Variants in DAB1 observed in about 807,000 individuals in gnomAD.
DAB1 encodes the protein DAB adaptor protein 1.
Under a neutral mutation model 64.6 loss-of-function variants are expected in DAB1, and 15 were observed. The observed-to-expected ratio is 0.23, with a 90% CI of 0.16 to 0.36. The LOEUF (loss-of-function observed/expected upper bound fraction) is 0.36, where lower values mean the gene tolerates loss of function less well. Among genes scored for constraint, DAB1 ranks in the 10% least tolerant of loss-of-function variants. The probability of loss-of-function intolerance (pLI) is 1.00; values close to 1 mark genes in which losing one functional copy is unlikely to be tolerated. For missense variants in DAB1, 596 were observed against 706.7 expected, an observed-to-expected ratio of 0.84 and a Z score of 1.78; for synonymous variants, 235 against 251.9, an observed-to-expected ratio of 0.93 and a Z score of 0.64.
chr1:57,411,954 C>G (rs1244268698), intron 1 of DAB1, among the ~76,000 whole-genome samples: 2 of 152,130 alleles, frequency 1.3e-5, no homozygotes, highest in Admixed American at 6.6e-5. Context: ...TTGTAGCAAC[C>G]CTGCATCAAA....
At chr1:57,378,233 T>A (rs1306534941) in intron 1 of DAB1, among the ~76,000 whole-genome samples, 1 of 152,200 alleles carries the variant, frequency 6.6e-6, no homozygotes. Context: ...TTTTGACTCC[T>A]TTGCCAAAGG....
At chr1:58,386,170 C>T (rs1569714952) in intron 3 of DAB1, among the ~76,000 whole-genome samples, 1 of 152,258 alleles carries the variant, frequency 6.6e-6, no homozygotes, top group East Asian at 1.9e-4. Flanking sequence ...ATCCTTTCCT[C>T]CTATGAAATG....
At chr1:57,025,861 G>T (rs1646768045) in intron 10 of DAB1, 120 bp downstream of exon 10, 1 of 747,890 alleles carries the variant, frequency 1.3e-6, no homozygotes, top group East Asian at 2.9e-5. Flanking sequence ...CAGCTTGAAA[G>T]AGTCAACACT....
intron 1 of DAB1, among the ~76,000 whole-genome samples, chr1:58,543,767 G>A (rs1041383850): frequency 3.9e-5 from 6 of 152,136 alleles, no homozygotes; most frequent in African/African-American, 1.4e-4. Context: ...AATAATAAAT[G>A]CTACCTAAAA....
chr1:57,135,157 T>C (rs1416498789), intron 4 of DAB1, among the ~76,000 whole-genome samples: 2 of 152,196 alleles, frequency 1.3e-5, no homozygotes, highest in Non-Finnish European at 2.9e-5. Context: ...TCAGTGGCAT[T>C]ACATACATTC....
At chr1:58,010,933 T>C (rs1570221589) in intron 5 of DAB1, among the ~76,000 whole-genome samples, 1 of 152,252 alleles carries the variant, frequency 6.6e-6, no homozygotes, top group East Asian at 1.9e-4. Flanking sequence ...GCTATCCTAG[T>C]GTCAAGCATT....
chr1:57,973,920 T>C (rs1467185712), intron 5 of DAB1, among the ~76,000 whole-genome samples: 2 of 152,150 alleles, frequency 1.3e-5, no homozygotes, highest in East Asian at 1.9e-4. Context: ...TCTCTTACCA[T>C]AGACCCTCCC....
chr1:57,959,396 T>C (rs1645464843), intron 5 of DAB1, among the ~76,000 whole-genome samples: 1 of 152,208 alleles, frequency 6.6e-6, no homozygotes, highest in Non-Finnish European at 1.5e-5. Flanking sequence ...GGGCTTCACA[T>C]AAAAAAGTAT....
intron 4 of DAB1, among the ~76,000 whole-genome samples, chr1:57,104,783 A>G (rs1247250081): frequency 6.6e-6 from 1 of 152,052 alleles, no homozygotes; most frequent in African/African-American, 2.4e-5. Context: ...GAACTGTAGA[A>G]GAAGTTGGGT....
chr1:57,752,339 C>A (rs931426426), intron 6 of DAB1, among the ~76,000 whole-genome samples: 1 of 152,010 alleles, frequency 6.6e-6, no homozygotes, highest in Non-Finnish European at 1.5e-5. Context: ...AGATATAAGC[C>A]GGGTTTTGAT....
intron 6 of DAB1, among the ~76,000 whole-genome samples, chr1:57,672,807 C>T (rs994024132): frequency 6.6e-6 from 1 of 152,140 alleles, no homozygotes; most frequent in Non-Finnish European, 1.5e-5. Context: ...ATTCATCTCT[C>T]TCTCTCACTA....
chr1:57,742,769 T>C, intron 6 of DAB1, among the ~76,000 whole-genome samples: 1 of 152,088 alleles, frequency 6.6e-6, no homozygotes, highest in Non-Finnish European at 1.5e-5. Flanking sequence ...TGAGGAATGA[T>C]GCAAAGGCTG....
intron 1 of DAB1, among the ~76,000 whole-genome samples, chr1:57,318,171 A>T (rs1675381437): frequency 6.6e-6 from 1 of 151,680 alleles, no homozygotes; most frequent in Non-Finnish European, 1.5e-5. Flanking sequence ...AAAAAAAAAA[A>T]AAAAATCCCA....
chr1:58,508,657 G>A (rs1479097616), intron 2 of DAB1, among the ~76,000 whole-genome samples: 2 of 152,130 alleles, frequency 1.3e-5, no homozygotes, highest in African/African-American at 2.4e-5. Context: ...GCTGCCCTAG[G>A]AACTGGCTTC....
intron 7 of DAB1, among the ~76,000 whole-genome samples, chr1:57,489,065 T>G (rs900113859): frequency 6.6e-6 from 1 of 152,196 alleles, no homozygotes; most frequent in African/African-American, 2.4e-5. Flanking sequence ...TCTGGGCAAA[T>G]CCTTTGACTC....
chr1:57,185,991 C>G (rs1295887248), intron 2 of DAB1, among the ~76,000 whole-genome samples: 1 of 152,090 alleles, frequency 6.6e-6, no homozygotes, highest in Non-Finnish European at 1.5e-5. Context: ...AAATCACTGT[C>G]CATTAACTGT....
intron 5 of DAB1, among the ~76,000 whole-genome samples, chr1:57,978,912 A>G (rs946210588): frequency 1.7e-4 from 26 of 152,286 alleles, no homozygotes; most frequent in African/African-American, 6.3e-4. Context: ...ATCAGGAAAC[A>G]ACAGATGCTG....
chr1:57,685,489 G>A (rs1240943859), intron 6 of DAB1, among the ~76,000 whole-genome samples: 1 of 152,142 alleles, frequency 6.6e-6, no homozygotes, highest in Admixed American at 6.6e-5. Context: ...CCCATTGACA[G>A]TGTTAGATCA....
At chr1:58,238,023 G>C (rs1272938790) in intron 4 of DAB1, among the ~76,000 whole-genome samples, 1 of 152,182 alleles carries the variant, frequency 6.6e-6, no homozygotes, top group East Asian at 1.9e-4. Context: ...CGGTGGCAAA[G>C]TCAAGTTCTA....
Sources: gnomAD v4.1 joint callset for allele counts (sites outside exome capture counted in the v4.1 genomes callset) on GRCh38, gnomAD v4.1.1 for gene constraint, MANE v1.5 for transcripts, NCBI Gene and HGNC (gene_info 2026-07-23, HGNC 2026-07-21) for gene names.